Variants in PRKDC observed in about 807,000 individuals in gnomAD.
PRKDC encodes DNA-dependent protein kinase catalytic subunit.
In PRKDC, 82 loss-of-function variants were observed where a neutral mutation model predicts 486.9. The observed-to-expected ratio is 0.17, with a 90% CI of 0.14 to 0.20. The LOEUF is 0.20. Among genes scored for constraint, PRKDC ranks in the 10% least tolerant of loss-of-function variants. The pLI, the probability that PRKDC is intolerant of heterozygous loss-of-function variation, is 1.00. For missense variants in PRKDC, 4,504 were observed against 5,038.2 expected, an observed-to-expected ratio of 0.89 and a Z score of 3.21; for synonymous variants, 1,895 against 1,837.0, an observed-to-expected ratio of 1.03 and a Z score of -0.81.
intron 4 of PRKDC, 45 bp downstream of exon 4, chr8:47,955,829 G>T: frequency 7.0e-7 from 1 of 1,431,100 alleles, no homozygotes; most frequent in South Asian, 1.3e-5. Context: ...TCTTTTAAAA[G>T]TTACATGTTT....
chr8:47,831,170 C>T (rs1054761392), intron 60 of PRKDC, among the ~76,000 whole-genome samples: 1 of 152,102 alleles, frequency 6.6e-6, no homozygotes, highest in Non-Finnish European at 1.5e-5. Flanking sequence ...GCCCCGGGGG[C>T]GCAGCCCGGG....
At chr8:47,956,897 T>C (rs1262343814) in intron 3 of PRKDC, among the ~76,000 whole-genome samples, 2 of 144,360 alleles carry the variant, frequency 1.4e-5, no homozygotes, top group South Asian at 4.4e-4. Flanking sequence ...TAAAAAAAAT[T>C]ATCAAAGTAG....
At chr8:47,944,435 C>T (rs2090495901) in intron 7 of PRKDC, among the ~76,000 whole-genome samples, 1 of 146,598 alleles carries the variant, frequency 6.8e-6, no homozygotes, top group African/African-American at 2.6e-5. Context: ...CCATTCTCCC[C>T]AATACACCCA....
intron 61 of PRKDC, among the ~76,000 whole-genome samples, chr8:47,830,367 T>C: frequency 6.6e-6 from 1 of 152,134 alleles, no homozygotes; most frequent in Admixed American, 6.5e-5. Flanking sequence ...TAACGATAAA[T>C]AACGTCTTCA....
At chr8:47,891,636 C>T (rs1307688168) in intron 31 of PRKDC, among the ~76,000 whole-genome samples, 3 of 152,014 alleles carry the variant, frequency 2.0e-5, no homozygotes, top group Non-Finnish European at 2.9e-5. Flanking sequence ...AGGAGAATGG[C>T]ATGATCCCGG....
Position 47,932,886 on chromosome 8 carries a change from G to C in PRKDC, c.1776+134C>G, listed in dbSNP as rs2090280458. ...TACATCCAACAGAAATGCATCAGTG[G>C]CACATAATAATCCTGAAGAACCAAA... On this transcript the variant is annotated intron_variant, in intron 16 of 85. Transcript: ENST00000314191. The C allele has an allele frequency of 7.9e-6, 5 of 635,482 alleles. No individual in the cohort carries two copies. The South Asian group carries it at 8.2e-5, about 10-fold the overall frequency. 39.4% of individuals were successfully genotyped at this position (635,482 alleles called of 1,614,324 possible).
chr8:47,818,658 A>C (rs1413121869), intron 67 of PRKDC, among the ~76,000 whole-genome samples: 1 of 152,054 alleles, frequency 6.6e-6, no homozygotes, highest in Non-Finnish European at 1.5e-5. Flanking sequence ...GAATGCACTT[A>C]ATAAATGATA....
chr8:47,916,896 C>A (rs1269672076), intron 22 of PRKDC, among the ~76,000 whole-genome samples: 1 of 152,196 alleles, frequency 6.6e-6, no homozygotes, highest in East Asian at 1.9e-4. Flanking sequence ...TTTGGCCTTG[C>A]ACCCTGGATC....
chr8:47,917,850 A>AT (rs1563802660), intron 22 of PRKDC, among the ~76,000 whole-genome samples: 1 of 152,130 alleles, frequency 6.6e-6, no homozygotes, highest in African/African-American at 2.4e-5. Flanking sequence ...CATAGCTAAA[A>AT]ATATATTAAT....
At position 47,954,405 on chromosome 8, in the gene PRKDC, A is replaced by G. The variant is rs1283355029; in HGVS notation, c.441T>C (p.Phe147=). 3 of 1,389,926 alleles carry G rather than the reference A, an allele frequency of 2.2e-6. No homozygotes were observed. The highest frequency in any genetic ancestry group is 2.9e-6 in the Non-Finnish European group (3 of 1,024,144). 86.1% of individuals were successfully genotyped at this position (1,389,926 alleles called of 1,614,324 possible). ...TFRSSRLMDE[F]KIGELFSKFY... ...ATTTACTAAATAATTCTCCAATTTT[A>G]AATTCATCCATGAGTCTAGAACTTC... is the stretch of plus-strand genomic sequence containing the variant. The change falls in exon 5 of 86, where the codon TTT becomes TTC. Residue 147 remains phenylalanine (F), a synonymous_variant. Transcript: ENST00000314191.
In PRKDC at chr8:47,893,159, A is replaced by G; in HGVS notation, c.3827T>C (p.Val1276Ala). The G allele has an allele frequency of 6.2e-7, 1 of 1,610,582 alleles. No individual in the cohort carries two copies. Among genetic ancestry groups the G allele is most frequent in the Non-Finnish European group, 8.5e-7 (1 of 1,177,464 alleles). The stretch of plus-strand genomic sequence containing the variant: ...CCTACCTAGGACCTGGAGCGCTCCT[A>G]CAGTTCTCTCGCCAATGAACGTGTT... ...CYNTFIGERT[V>A]GALQVLGTEA... Residue 1276 changes from valine (V) to alanine (A), a missense_variant, in exon 31 of 86, where the codon GTA becomes GCA. By Grantham distance (64) the Val-to-Ala change is moderately conservative. This residue lies in a region of PRKDC where 1,969 missense variants were observed against 2,068.9 expected (regional missense o/e 0.95). Transcript: ENST00000314191.
At chr8:47,862,654 G>T in intron 42 of PRKDC, 113 bp from the exon 43 acceptor site, 1 of 1,050,124 alleles carries the variant, frequency 9.5e-7, no homozygotes, top group Non-Finnish European at 1.3e-6. Flanking sequence ...CGAGGGTCAG[G>T]CTTGTGCCAG....
In PRKDC at chr8:47,800,995, T is replaced by G. The variant is rs377537168; in HGVS notation, c.9923-9A>C. The G allele has an allele frequency of 1.9e-6, 3 of 1,612,124 alleles. No individual in the cohort carries two copies. The highest frequency in any genetic ancestry group is 1.7e-6 in the Non-Finnish European group (2 of 1,179,094). The stretch of plus-strand genomic sequence containing the variant: ...TGACACGTTGTTCTCATCTGTTGGA[T>G]TAAAAAAACAAAACAAAACAAAATT... On this transcript the variant is annotated splice_polypyrimidine_tract_variant and intron_variant, in intron 70 of 85. Coordinates refer to ENST00000314191, the MANE Select transcript of PRKDC (RefSeq NM_006904.7).
intron 9 of PRKDC, among the ~76,000 whole-genome samples, 153 bp downstream of exon 9, chr8:47,943,699 TA>T (rs1156782354): frequency 6.6e-6 from 1 of 152,226 alleles, no homozygotes; most frequent in Non-Finnish European, 1.5e-5. Context: ...AACCAGAGCT[TA>T]CTAAGTCACC....
At chr8:47,879,150 A>G (rs2089153365) in intron 39 of PRKDC, among the ~76,000 whole-genome samples, 1 of 152,226 alleles carries the variant, frequency 6.6e-6, no homozygotes, top group East Asian at 1.9e-4. Context: ...TTTACACATA[A>G]AATATTTCAC....
chr8:47,911,653 T>C (rs1316713215), intron 25 of PRKDC, among the ~76,000 whole-genome samples: 1 of 152,200 alleles, frequency 6.6e-6, no homozygotes, highest in African/African-American at 2.4e-5. Context: ...TCATGCTAGA[T>C]TCATAAAATG....
rs1342266745 is a variant in PRKDC, at chr8:47,866,366, T to C, written c.5364-1603A>G. Among the ~76,000 whole-genome samples the C allele has an allele frequency of 2.0e-5, 3 of 152,172 alleles. No individual in the cohort carries two copies. The East Asian group carries it at 5.8e-4, about 29-fold the overall frequency. On this transcript the variant is annotated intron_variant, in intron 40 of 85. Coordinates refer to ENST00000314191, the MANE Select transcript of PRKDC (RefSeq NM_006904.7). ...TTTATAGGCCACCCACTCTGTGCTATTCTGCTATAGCAGCCTGAAAGGAAT... is the reference window on the plus strand; with the variant it reads ...TTTATAGGCCACCCACTCTGTGCTACTCTGCTATAGCAGCCTGAAAGGAAT...
At chr8:47,855,163 C>T (rs1453265696) in intron 50 of PRKDC, 59 bp downstream of exon 50, 12 of 1,401,612 alleles carry the variant, frequency 8.6e-6, no homozygotes, top group East Asian at 4.9e-5. Context: ...TCATCATTTA[C>T]GACACACTAC....
chr8:47,807,206 A>G lies in PRKDC; in HGVS notation c.9678T>C (p.Asp3226=), dbSNP rs756723528. ...DRMEVQEQEE[D]ISSLIRSCKF... ...TGCAACTCCTGATCAGGGAGCTGAT[A>G]TCTTCTTCCTGCTCTTGCACTTCCA... The change falls in exon 69 of 86, where the codon GAT becomes GAC. Residue 3226 remains aspartate, a synonymous_variant. Coordinates refer to ENST00000314191, the MANE Select transcript of PRKDC (RefSeq NM_006904.7). The G allele has an allele frequency of 4.3e-6, 7 of 1,613,820 alleles. No homozygotes were observed. In the South Asian group the frequency reaches 5.5e-5, roughly 13 times the overall value.
Sources: gnomAD v4.1 joint callset for allele counts (sites outside exome capture counted in the v4.1 genomes callset) on GRCh38, gnomAD v4.1.1 for gene constraint, gnomAD v4.1.1 regional missense constraint, MANE v1.5 for transcripts, NCBI Gene and HGNC (gene_info 2026-07-23, HGNC 2026-07-21) for gene names.